The following HOXC13 variants were observed in gnomAD, a reference collection of about 807,000 sequenced individuals.
The protein encoded by HOXC13 is homeobox C13, also known as homeobox protein Hox-C13.
In HOXC13, 10 loss-of-function variants were observed where a neutral mutation model predicts 25.9. That is an observed-to-expected ratio of 0.39 (90% CI 0.24 to 0.65). The LOEUF (loss-of-function observed/expected upper bound fraction) is 0.65, where lower values mean the gene tolerates loss of function less well. Among genes scored for constraint, HOXC13 ranks in the 30% least tolerant of loss-of-function variants. The probability of loss-of-function intolerance (pLI) is 0.50; values close to 1 mark genes in which losing one functional copy is unlikely to be tolerated. For synonymous variants in HOXC13, 233 were observed against 217.1 expected (o/e 1.07, Z -0.64); for missense variants, 439 against 478.3 (o/e 0.92, Z 0.77).
At chr12:53,940,633 A>T (rs1197491093) in intron 1 of HOXC13, among the ~76,000 whole-genome samples, 3 of 152,178 alleles carry the variant, frequency 2.0e-5, no homozygotes, top group Admixed American at 6.5e-5. Flanking sequence ...GTTTCCCAAA[A>T]CCACACCAAG....
At chr12:53,944,301 C>T in intron 1 of HOXC13, among the ~76,000 whole-genome samples, 1 of 152,094 alleles carries the variant, frequency 6.6e-6, no homozygotes, top group Non-Finnish European at 1.5e-5. Flanking sequence ...TGTGGACCTC[C>T]AAGCAGGCTG....
intron 1 of HOXC13, among the ~76,000 whole-genome samples, chr12:53,943,799 G>A (rs923804374): frequency 2.6e-5 from 4 of 152,198 alleles, no homozygotes; most frequent in Admixed American, 1.3e-4. Context: ...AAATGTGGTA[G>A]GAATGAAGGG....
Position 53,938,918 on chromosome 12 carries a change from G to C in HOXC13, c.12G>C (p.Ser4=), listed in dbSNP as rs766157982. Residue 4 remains serine (S), a synonymous_variant, in exon 1 of 2, where the codon TCG becomes TCC. Coordinates refer to ENST00000243056, the MANE Select transcript of HOXC13 (RefSeq NM_017410.3). The stretch of plus-strand genomic sequence containing the variant: ...CAGCAGATCATGTCATGACGACTTC[G>C]CTGCTCCTGCATCCACGCTGGCCGG... The part of the protein sequence containing the change: MTT[S]LLLHPRWPES... The C allele has an allele frequency of 6.4e-7, 1 of 1,557,492 alleles. No homozygotes were observed. Among genetic ancestry groups the C allele is most frequent in the South Asian group, 1.2e-5 (1 of 86,774 alleles).
In HOXC13 at chr12:53,945,733, T is replaced by G. The variant is rs1938683544; in HGVS notation, c.*477T>G. On this transcript the variant is annotated 3_prime_UTR_variant, in exon 2 of 2. Coordinates refer to ENST00000243056, the MANE Select transcript of HOXC13 (RefSeq NM_017410.3). This position sits in a 1 kb window ranked among gnomAD's most constrained non-coding sequence, Gnocchi z 4.4. ...AGCTCATACTTTCCTTCGCTGTCCC[T>G]CCCGCACTCCTTAGGCAAGATTTCC... is the stretch of plus-strand genomic sequence containing the variant. 8.0e-6 allele frequency: 2 copies of G among 249,830 alleles called. No individual in the cohort carries two copies. Among genetic ancestry groups the G allele is most frequent in the East Asian group, 1.1e-4 (2 of 18,122 alleles). 15.5% of individuals were successfully genotyped at this position (249,830 alleles called of 1,614,324 possible).
chr12:53,939,138 C>T lies in HOXC13; in HGVS notation c.232C>T (p.Leu78=). ...CCGCGACCTGCTTCCGCACCCCGTG[C>T]TGGGCCGCCCGCCGGCTCCCCTGGG... The part of the protein sequence containing the change: ...HCRDLLPHPV[L]GRPPAPLGAP... The change falls in exon 1 of 2, where the codon CTG becomes TTG. Residue 78 remains leucine (L), a synonymous_variant. Transcript: ENST00000243056. This position sits in a 1 kb window ranked among gnomAD's most constrained non-coding sequence, Gnocchi z 6.7. The T allele has an allele frequency of 1.4e-6, 2 of 1,473,704 alleles. No homozygotes were observed. The highest frequency in any genetic ancestry group is 2.5e-5 in the Admixed American group (1 of 39,770). 91.3% of individuals were successfully genotyped at this position (1,473,704 alleles called of 1,614,324 possible).
Position 53,946,342 on chromosome 12 carries a change from G to C in HOXC13, c.*1086G>C, listed in dbSNP as rs768217494. On this transcript the variant is annotated 3_prime_UTR_variant, in exon 2 of 2. Coordinates refer to ENST00000243056, the MANE Select transcript of HOXC13 (RefSeq NM_017410.3). ...CCTCCTCAAAGGCCACCTTGGTGCT[G>C]TGGGGGCCCCTTGCCTCTTCCCTTC... 1 of 223,298 alleles carries C rather than the reference G, an allele frequency of 4.5e-6. No homozygotes were observed. The highest frequency in any genetic ancestry group is 5.7e-5 in the Admixed American group (1 of 17,442). 13.8% of individuals were successfully genotyped at this position (223,298 alleles called of 1,614,324 possible).
At chr12:53,940,484 C>T (rs1282655778) in intron 1 of HOXC13, among the ~76,000 whole-genome samples, 1 of 152,194 alleles carries the variant, frequency 6.6e-6, no homozygotes. Flanking sequence ...GGAGTCCAGA[C>T]CCAGGCTGGG....
Position 53,939,716 on chromosome 12 carries a change from C to T in HOXC13, c.736+74C>T, listed in dbSNP as rs1938579329. 1 of 1,270,406 alleles carries T rather than the reference C, an allele frequency of 7.9e-7. No individual in the cohort carries two copies. The highest frequency in any genetic ancestry group is 4.2e-5 in the Admixed American group (1 of 23,552). 78.7% of individuals were successfully genotyped at this position (1,270,406 alleles called of 1,614,324 possible). ...CTGCCTGCCCCGGGGCTCCGCGCCC[C>T]AACCACCCCCGCCGTCTGGCCCCGG... On this transcript the variant is annotated intron_variant, in intron 1 of 1. Transcript: ENST00000243056. This position sits in a 1 kb window ranked among gnomAD's most constrained non-coding sequence, Gnocchi z 6.7.
At chr12:53,941,488 T>C (rs1053742007) in intron 1 of HOXC13, among the ~76,000 whole-genome samples, 12 of 152,304 alleles carry the variant, frequency 7.9e-5, no homozygotes, top group South Asian at 4.1e-4. Flanking sequence ...GAATGTGGTG[T>C]GGAGTAGGGG....
At chr12:53,944,701 T>A (rs1259469285) in intron 1 of HOXC13, among the ~76,000 whole-genome samples, 2 of 152,246 alleles carry the variant, frequency 1.3e-5, no homozygotes, top group Non-Finnish European at 1.5e-5. Context: ...TAATTGATAT[T>A]TTGTTCATCA....
At chr12:53,944,899 G>T (rs1197620851) in intron 1 of HOXC13, 101 bp from the exon 2 acceptor site, 25 of 1,484,540 alleles carry the variant, frequency 1.7e-5, no homozygotes, top group Non-Finnish European at 2.2e-5. Flanking sequence ...CTCTGGCCCC[G>T]TTGAGCCCCT....
Position 53,945,402 on chromosome 12 carries a change from T to C in HOXC13, c.*146T>C. 2 of 927,636 alleles carry C rather than the reference T, an allele frequency of 2.2e-6. No individual in the cohort carries two copies. The highest frequency in any genetic ancestry group is 1.6e-5 in the African/African-American group (1 of 61,418). The allele number at this position is 927,636 out of a possible 1,614,324, so 57.5% of individuals were successfully genotyped here. A position where few individuals can be genotyped will look rare whatever the true frequency, so the allele number is the denominator to read the frequency against. On this transcript the variant is annotated 3_prime_UTR_variant, in exon 2 of 2. Transcript: ENST00000243056. This position sits in a 1 kb window ranked among gnomAD's most constrained non-coding sequence, Gnocchi z 4.4. ...GCCGCCCGGAGGCAGAGAGGCTCCATGGCCGTGCTGCTGGGCCATCCCCAA... is the reference window on the plus strand; with the variant it reads ...GCCGCCCGGAGGCAGAGAGGCTCCACGGCCGTGCTGCTGGGCCATCCCCAA...
At chr12:53,942,150 T>C (rs1339305820) in intron 1 of HOXC13, among the ~76,000 whole-genome samples, 1 of 124,384 alleles carries the variant, frequency 8.0e-6, no homozygotes, top group Non-Finnish European at 1.7e-5. Context: ...ACGGTGAGTG[T>C]AGACTTTTTT....
rs573944215 is a variant in HOXC13 at position 53,939,395 on chromosome 12, C to T, written c.489C>T (p.Asp163=). 63 of 1,605,890 alleles carry T rather than the reference C, an allele frequency of 3.9e-5. 1 individual carries two copies. In the South Asian group the frequency reaches 7.0e-4, roughly 18 times the overall value. Residue 163 remains aspartate, a synonymous_variant, in exon 1 of 2, where the codon GAC becomes GAT. Coordinates refer to ENST00000243056, the MANE Select transcript of HOXC13 (RefSeq NM_017410.3). This position sits in a 1 kb window ranked among gnomAD's most constrained non-coding sequence, Gnocchi z 6.7. ...YPEPSGALPG[D]DLSSRAKEFA... ...AGCCGTCGGGCGCCCTGCCCGGTGA[C>T]GACCTGTCCTCTAGGGCCAAGGAGT...
At chr12:53,944,729 G>C (rs1343066631) in intron 1 of HOXC13, among the ~76,000 whole-genome samples, 1 of 151,984 alleles carries the variant, frequency 6.6e-6, no homozygotes, top group South Asian at 2.1e-4. Context: ...TTTTGTATTC[G>C]TTTTGCTTTT....
intron 1 of HOXC13, 144 bp from the exon 2 acceptor site, chr12:53,944,856 A>T: frequency 9.7e-7 from 1 of 1,029,738 alleles, no homozygotes; most frequent in Admixed American, 2.3e-5. Context: ...CAGAAATGAA[A>T]AGCATTAGGG....
rs1390544223 is a variant in HOXC13, at chr12:53,939,359, T to C, written c.453T>C (p.Asp151=). 1.9e-6 allele frequency: 3 copies of C among 1,606,156 alleles called. No homozygotes were observed. ...AGCCTTGCGCCTACCACCCGGGCGA[T>C]AAATACCCGGAGCCGTCGGGCGCCC... is the stretch of plus-strand genomic sequence containing the variant. The part of the protein sequence containing the change: ...QQKPCAYHPG[D]KYPEPSGALP... The change falls in exon 1 of 2, where the codon GAT becomes GAC. Residue 151 remains aspartate, a synonymous_variant. Coordinates refer to ENST00000243056, the MANE Select transcript of HOXC13 (RefSeq NM_017410.3). The surrounding 1 kb of genome is among the most constrained non-coding windows in gnomAD (Gnocchi z 6.7).
chr12:53,945,460 C>G lies in HOXC13; in HGVS notation c.*204C>G. On this transcript the variant is annotated 3_prime_UTR_variant, in exon 2 of 2. Coordinates refer to ENST00000243056, the MANE Select transcript of HOXC13 (RefSeq NM_017410.3). This position sits in a 1 kb window ranked among gnomAD's most constrained non-coding sequence, Gnocchi z 4.4. ...TCCCATCCCCAGCCTCCACCCCCAT[C>G]CAGATGGGACTCACGTGGCTTCAAC... The G allele has an allele frequency of 1.6e-6, 1 of 618,452 alleles. No homozygotes were observed. The allele number at this position is 618,452 out of a possible 1,614,324, so 38.3% of individuals were successfully genotyped here. A position where few individuals can be genotyped will look rare whatever the true frequency, so the allele number is the denominator to read the frequency against.
In HOXC13 at chr12:53,939,929, A is replaced by G. The variant is rs918097337; in HGVS notation, c.736+287A>G. Among the ~76,000 whole-genome samples, 2 of 152,176 alleles carry G rather than the reference A, an allele frequency of 1.3e-5. No homozygotes were observed. Among genetic ancestry groups the G allele is most frequent in the Non-Finnish European group, 2.9e-5 (2 of 68,014 alleles). ...GTAGCTCGCCTCCGCCTCCCCTTGC[A>G]GGCTCCAGCCTCCCGCCGGGCTCTT... On this transcript the variant is annotated intron_variant, in intron 1 of 1. Transcript: ENST00000243056. The surrounding 1 kb of genome is among the most constrained non-coding windows in gnomAD (Gnocchi z 6.7).
Sources: allele counts gnomAD v4.1 joint callset (sites outside exome capture counted in the v4.1 genomes callset), GRCh38; gene constraint gnomAD v4.1.1; non-coding constraint Gnocchi (gnomAD v3.1); transcripts MANE v1.5; gene names NCBI Gene and HGNC (gene_info 2026-07-23, HGNC 2026-07-21).